Variants in SLIT1 observed in about 807,000 individuals in gnomAD.
SLIT1 encodes slit homolog 1 protein.
In SLIT1, 66 loss-of-function variants were observed where a neutral mutation model predicts 186.1. The observed-to-expected ratio is 0.35, with a 90% CI of 0.29 to 0.44. The LOEUF (loss-of-function observed/expected upper bound fraction) is 0.44, where lower values mean the gene tolerates loss of function less well. SLIT1 is among the 20% of genes least tolerant of loss of function. SLIT1 has a pLI of 1.00. For missense variants in SLIT1, 1,638 were observed against 2,037.4 expected, an observed-to-expected ratio of 0.80 and a Z score of 3.77; for synonymous variants, 761 against 833.8, an observed-to-expected ratio of 0.91 and a Z score of 1.50.
intron 4 of SLIT1, among the ~76,000 whole-genome samples, chr10:97,105,650 T>A (rs1849406255): frequency 6.6e-6 from 1 of 152,214 alleles, no homozygotes; most frequent in Admixed American, 6.5e-5. Context: ...ATCTAGAAGA[T>A]GACTGCCTAA....
At chr10:97,045,974 C>T (rs1261786756) in intron 18 of SLIT1, among the ~76,000 whole-genome samples, 1 of 152,186 alleles carries the variant, frequency 6.6e-6, no homozygotes, top group African/African-American at 2.4e-5. Flanking sequence ...CTGAGTAGCA[C>T]TAGCCACATT....
At chr10:97,090,806 AGCGGGTGCTGG>A (rs1318831644) in intron 4 of SLIT1, among the ~76,000 whole-genome samples, 1 of 152,232 alleles carries the variant, frequency 6.6e-6, no homozygotes, top group African/African-American at 2.4e-5. Context: ...CAAGTCGTCC[AGCGGGTGCTGG>A]GCCCTGGCAG....
chr10:97,012,907 C>A (rs1006810238), intron 30 of SLIT1, among the ~76,000 whole-genome samples: 1 of 152,096 alleles, frequency 6.6e-6, no homozygotes, highest in Non-Finnish European at 1.5e-5. Context: ...TGGGGAGGTC[C>A]CAGAAATGAG....
At chr10:97,034,380 G>A (rs1589369259) in intron 23 of SLIT1, 91 bp downstream of exon 23, 1 of 918,962 alleles carries the variant, frequency 1.1e-6, no homozygotes, top group African/African-American at 1.6e-5. Context: ...TGCAGGCGAG[G>A]GATCTGGGAG....
chr10:97,002,679 G>A, intron 35 of SLIT1, 25 bp downstream of exon 35: 1 of 1,536,506 alleles, frequency 6.5e-7, no homozygotes, highest in East Asian at 2.3e-5. Flanking sequence ...CAGGGGCAAG[G>A]GCTCCCCCAG....
intron 4 of SLIT1, among the ~76,000 whole-genome samples, chr10:97,129,112 G>A (rs1001096726): frequency 2.6e-5 from 4 of 152,088 alleles, no homozygotes; most frequent in Admixed American, 2.6e-4. Flanking sequence ...CGTTAAAGAA[G>A]CTAATATGGC....
Position 97,002,875 on chromosome 10 carries a change from T to C in SLIT1, c.3983A>G (p.Lys1328Arg). 1 of 1,614,208 alleles carries C rather than the reference T, an allele frequency of 6.2e-7. No individual in the cohort carries two copies. ...CACCACGCCTGGCTTCATCTGCGTC[T>C]TGGTGAAGTCCTGCAGCTCGTTGTT... is the stretch of plus-strand genomic sequence containing the variant. Reference protein sequence around the residue: ...YINNELQDFTKTQMKPGVVPG... With the variant: ...YINNELQDFTRTQMKPGVVPG... The change falls in exon 35 of 37, where the codon AAG becomes AGG. Residue 1328 changes from lysine (K) to arginine (R), a missense_variant. Lys to Arg is a conservative substitution (Grantham distance 26). Coordinates refer to ENST00000266058, the MANE Select transcript of SLIT1 (RefSeq NM_003061.3).
At chr10:97,078,529 C>T (rs183392002) in intron 4 of SLIT1, among the ~76,000 whole-genome samples, 7 of 152,314 alleles carry the variant, frequency 4.6e-5, no homozygotes, top group Admixed American at 1.3e-4. Context: ...ATATCAGGGG[C>T]ACATCCCACA....
chr10:97,181,347 A>G (rs1201407139), intron 1 of SLIT1, among the ~76,000 whole-genome samples: 1 of 152,202 alleles, frequency 6.6e-6, no homozygotes, highest in Non-Finnish European at 1.5e-5. Context: ...TCACCATCCA[A>G]TTATTATTTG....
chr10:97,102,328 G>A (rs1458053208), intron 4 of SLIT1: 2 of 150,824 alleles, frequency 1.3e-5, no homozygotes, highest in African/African-American at 4.9e-5. Flanking sequence ...GGCTGAAGCA[G>A]GAGAGTCGCT....
At chr10:97,073,811 A>C (rs1302535520) in intron 4 of SLIT1, among the ~76,000 whole-genome samples, 1 of 152,126 alleles carries the variant, frequency 6.6e-6, no homozygotes, top group Non-Finnish European at 1.5e-5. Context: ...CATCTGCAAC[A>C]TGGGGATGGA....
rs575675070 is a variant in SLIT1, at chr10:97,056,170, T to A, written c.1301+151A>T. On this transcript the variant is annotated intron_variant, in intron 13 of 36. Coordinates refer to ENST00000266058, the MANE Select transcript of SLIT1 (RefSeq NM_003061.3). ...TAGGTGGACTTTGAACCTAGGACGG[T>A]CTAACCCAGGTCTGTGTCCTTCCTC... is the stretch of plus-strand genomic sequence containing the variant. The A allele has an allele frequency of 3.9e-6, 3 of 776,866 alleles. No homozygotes were observed. In the South Asian group the frequency reaches 5.7e-5, roughly 15 times the overall value. 48.1% of individuals were successfully genotyped at this position (776,866 alleles called of 1,614,324 possible).
intron 4 of SLIT1, among the ~76,000 whole-genome samples, chr10:97,149,106 G>C (rs1423782429): frequency 6.6e-6 from 1 of 152,222 alleles, no homozygotes; most frequent in East Asian, 1.9e-4. Context: ...GTAAAACCCT[G>C]TGTGGTTCTT....
chr10:97,031,783 G>A (rs1421876014), intron 23 of SLIT1, 106 bp from the exon 24 acceptor site: 13 of 865,798 alleles, frequency 1.5e-5, no homozygotes, highest in South Asian at 1.4e-4. Context: ...CAGCCTCCTC[G>A]GGCTCTGTGA....
intron 4 of SLIT1, among the ~76,000 whole-genome samples, chr10:97,140,312 A>G (rs1589408259): frequency 1.3e-5 from 2 of 152,088 alleles, no homozygotes; most frequent in East Asian, 1.9e-4. Flanking sequence ...CCTCTTTGTT[A>G]CCCTGCAGCT....
intron 4 of SLIT1, among the ~76,000 whole-genome samples, chr10:97,099,685 C>G (rs1423676348): frequency 1.3e-5 from 2 of 152,174 alleles, no homozygotes; most frequent in African/African-American, 2.4e-5. Flanking sequence ...GTAAATCCAG[C>G]TTGATGGTCC....
intron 4 of SLIT1, among the ~76,000 whole-genome samples, chr10:97,087,630 C>G (rs1040488177): frequency 2.6e-5 from 4 of 152,168 alleles, no homozygotes; most frequent in African/African-American, 9.7e-5. Flanking sequence ...AGGCTCGCCT[C>G]AAAGCACGGC....
intron 21 of SLIT1, 95 bp downstream of exon 21, chr10:97,039,887 ACCTCCT>A (rs1848675004): frequency 7.4e-7 from 1 of 1,360,196 alleles, no homozygotes; most frequent in African/African-American, 1.5e-5. Flanking sequence ...GCTCTTGGTC[ACCTCCT>A]CCTCCCATGG....
rs750541548 is a variant in SLIT1, at chr10:97,002,765, C to T, written c.4093G>A (p.Glu1365Lys). 3.7e-5 allele frequency: 59 copies of T among 1,611,872 alleles called. No individual in the cohort carries two copies. The Admixed American group carries it at 7.2e-4, about 20-fold the overall frequency. Reference sequence around the variant, plus strand: ...CAGTGCAGGCCCACCCAGCCAGCCTCGCAGTGGCACATGGGCCCTGGGGTG... The same window carrying T: ...CAGTGCAGGCCCACCCAGCCAGCCTTGCAGTGGCACATGGGCCCTGGGGTG... Reference protein sequence around the residue: ...NATPGPMCHCEAGWVGLHCDQ... With the variant: ...NATPGPMCHCKAGWVGLHCDQ... The change falls in exon 35 of 37, where the codon GAG becomes AAG. Residue 1365 changes from glutamate (E) to lysine (K), a missense_variant. By Grantham distance (56) the Glu-to-Lys change is moderately conservative (BLOSUM62 1). Coordinates refer to ENST00000266058, the MANE Select transcript of SLIT1 (RefSeq NM_003061.3).
Sources: gnomAD v4.1 joint callset for allele counts (sites outside exome capture counted in the v4.1 genomes callset) on GRCh38, gnomAD v4.1.1 for gene constraint, MANE v1.5 for transcripts, NCBI Gene and HGNC (gene_info 2026-07-23, HGNC 2026-07-21) for gene names.